The following KCNH8 variants were observed in gnomAD, a reference collection of about 807,000 sequenced individuals.
KCNH8 encodes potassium voltage-gated channel subfamily H member 8, also known as voltage-gated delayed rectifier potassium channel KCNH8.
In KCNH8, 70 loss-of-function variants were observed where a neutral mutation model predicts 103.6. The observed-to-expected ratio is 0.68, with a 90% CI of 0.56 to 0.82. The LOEUF (loss-of-function observed/expected upper bound fraction) is 0.82, where lower values mean the gene tolerates loss of function less well. Among genes scored for constraint, KCNH8 ranks in the 40% least tolerant of loss-of-function variants. The pLI is 0.00. For missense variants in KCNH8, 1,217 were observed against 1,329.9 expected (o/e 0.92, Z 1.32); for synonymous variants, 498 against 489.4 (o/e 1.02, Z -0.23).
intron 5 of KCNH8, among the ~76,000 whole-genome samples, chr3:19,373,855 T>G (rs1318297183): frequency 1.3e-5 from 2 of 152,218 alleles, no homozygotes; most frequent in Non-Finnish European, 1.5e-5. Flanking sequence ...TCTGCCTTCA[T>G]TTCGTTATGT....
intron 1 of KCNH8, among the ~76,000 whole-genome samples, chr3:19,246,559 G>A (rs1210706598): frequency 1.3e-5 from 2 of 152,118 alleles, no homozygotes; most frequent in Non-Finnish European, 2.9e-5. Context: ...ACAGGCGTGA[G>A]TCACCACGCC....
chr3:19,392,094 A>G (rs942740971), intron 6 of KCNH8, among the ~76,000 whole-genome samples: 12 of 150,588 alleles, frequency 8.0e-5, no homozygotes, highest in Admixed American at 2.7e-4. Flanking sequence ...TATATAATAT[A>G]CAATTATATT....
chr3:19,368,338 A>G (rs2066041608), intron 5 of KCNH8, among the ~76,000 whole-genome samples: 2 of 151,958 alleles, frequency 1.3e-5, no homozygotes, highest in Non-Finnish European at 2.9e-5. Flanking sequence ...AAGTGTAGGA[A>G]AGATATCTGT....
intron 7 of KCNH8, among the ~76,000 whole-genome samples, chr3:19,407,667 T>C (rs902149497): frequency 6.6e-6 from 1 of 152,082 alleles, no homozygotes; most frequent in Non-Finnish European, 1.5e-5. Flanking sequence ...CTCTGCTTCA[T>C]GTCCAGGCAG....
At chr3:19,154,054 C>T (rs951221172) in intron 1 of KCNH8, among the ~76,000 whole-genome samples, 8 of 152,044 alleles carry the variant, frequency 5.3e-5, no homozygotes, top group African/African-American at 1.9e-4. Context: ...GCACAAATTA[C>T]TATAATATAG....
chr3:19,337,562 A>G (rs2065600695), intron 3 of KCNH8, among the ~76,000 whole-genome samples: 1 of 151,994 alleles, frequency 6.6e-6, no homozygotes, highest in African/African-American at 2.4e-5. Flanking sequence ...TCACTGAAAG[A>G]AAAAGGGAGG....
At position 19,513,024 on chromosome 3, in the gene KCNH8, G is replaced by T. The variant is rs748260032; in HGVS notation, c.2134G>T (p.Asp712Tyr). Residue 712 changes from aspartate (D) to tyrosine (Y), a missense_variant, in exon 13 of 16, where the codon GAT (aspartate) becomes TAT (tyrosine). Transcript: ENST00000328405. Reference protein sequence around the residue: ...INKRLPSIVEDEEEEEEGEEE... With the variant: ...INKRLPSIVEYEEEEEEGEEE... ...CAAGCGACTCCCATCCATTGTGGAA[G>T]ATGAGGAAGAGGAGGAGGAGGGGGA... 6.2e-7 allele frequency: 1 copy of T among 1,613,724 alleles called. No individual in the cohort carries two copies. Among genetic ancestry groups the T allele is most frequent in the East Asian group, 2.2e-5 (1 of 44,822 alleles).
chr3:19,396,967 C>G (rs1203713550), intron 7 of KCNH8, among the ~76,000 whole-genome samples: 3 of 151,942 alleles, frequency 2.0e-5, no homozygotes, highest in South Asian at 2.1e-4. Flanking sequence ...TAAGTCTCGT[C>G]TGGTCTGAGA....
At chr3:19,227,179 C>G (rs1171999883) in intron 1 of KCNH8, among the ~76,000 whole-genome samples, 1 of 152,218 alleles carries the variant, frequency 6.6e-6, no homozygotes, top group African/African-American at 2.4e-5. Flanking sequence ...GAAAACCAGA[C>G]AAGACATCTG....
At chr3:19,290,784 C>G (rs1301653135) in intron 3 of KCNH8, among the ~76,000 whole-genome samples, 1 of 152,172 alleles carries the variant, frequency 6.6e-6, no homozygotes. Context: ...GGAGGATTCC[C>G]TCTTTTTCTA....
chr3:19,436,073 T>C (rs541844033), intron 7 of KCNH8, among the ~76,000 whole-genome samples: 1 of 152,300 alleles, frequency 6.6e-6, no homozygotes, highest in East Asian at 1.9e-4. Flanking sequence ...ATTATCATGC[T>C]AATGATAAAC....
intron 1 of KCNH8, among the ~76,000 whole-genome samples, chr3:19,206,627 T>C (rs569892334): frequency 1.3e-3 from 197 of 152,086 alleles, no homozygotes; most frequent in African/African-American, 4.6e-3. Flanking sequence ...TCCTGTACCT[T>C]ATAGGATTTT....
At chr3:19,171,480 G>C (rs1310700320) in intron 1 of KCNH8, among the ~76,000 whole-genome samples, 2 of 152,018 alleles carry the variant, frequency 1.3e-5, no homozygotes, top group Non-Finnish European at 2.9e-5. Flanking sequence ...ATTTTTTCAA[G>C]TTGTCATCTT....
At chr3:19,374,632 T>C (rs562257805) in intron 5 of KCNH8, among the ~76,000 whole-genome samples, 18 of 152,286 alleles carry the variant, frequency 1.2e-4, no homozygotes, top group African/African-American at 3.1e-4. Context: ...TATGTGTGAA[T>C]TCGATCCTGT....
intron 11 of KCNH8, among the ~76,000 whole-genome samples, chr3:19,490,574 C>T (rs1448610716): frequency 6.6e-6 from 1 of 152,208 alleles, no homozygotes; most frequent in African/African-American, 2.4e-5. Context: ...TCTTTAACTA[C>T]CAGGCCCCAG....
intron 5 of KCNH8, among the ~76,000 whole-genome samples, chr3:19,375,459 G>C (rs1178029326): frequency 2.7e-5 from 4 of 150,874 alleles, no homozygotes; most frequent in African/African-American, 4.9e-5. Context: ...AGCTCCATCA[G>C]CTCCTTTAAG....
At chr3:19,300,157 G>C (rs995349887) in intron 3 of KCNH8, among the ~76,000 whole-genome samples, 1 of 151,976 alleles carries the variant, frequency 6.6e-6, no homozygotes, top group Non-Finnish European at 1.5e-5. Context: ...GCTGAGGCAG[G>C]AGAATCGCTT....
intron 1 of KCNH8, among the ~76,000 whole-genome samples, chr3:19,179,685 TA>T (rs2063432700): frequency 6.6e-6 from 1 of 152,284 alleles, no homozygotes; most frequent in East Asian, 1.9e-4. Flanking sequence ...CAGATAGTGT[TA>T]TTTAAGTAAA....
At chr3:19,434,858 T>G (rs1241332686) in intron 7 of KCNH8, among the ~76,000 whole-genome samples, 9 of 152,154 alleles carry the variant, frequency 5.9e-5, no homozygotes, top group Admixed American at 5.2e-4. Context: ...GGACACATTT[T>G]CCCACTAAAG....
Sources: allele counts gnomAD v4.1 joint callset (sites outside exome capture counted in the v4.1 genomes callset), GRCh38; gene constraint gnomAD v4.1.1; transcripts MANE v1.5; gene names NCBI Gene and HGNC (gene_info 2026-07-23, HGNC 2026-07-21).